Variants in ZFHX3 observed in about 807,000 individuals in gnomAD.
ZFHX3 encodes zinc finger homeobox protein 3.
Under a neutral mutation model 279.1 loss-of-function variants are expected in ZFHX3, and 42 were observed. That is an observed-to-expected ratio of 0.15 (90% CI 0.12 to 0.19). ZFHX3 has a LOEUF of 0.19. Ranked by LOEUF, ZFHX3 falls within the 10% of genes least tolerant of loss-of-function variation. ZFHX3 has a pLI of 1.00. For missense variants in ZFHX3, 4,981 were observed against 4,754.0 expected, an observed-to-expected ratio of 1.05 and a Z score of -1.40; for synonymous variants, 2,293 against 1,957.8, an observed-to-expected ratio of 1.17 and a Z score of -4.52.
rs2013202175 is a variant in ZFHX3 at position 73,243,903 on chromosome 16, C to G, written c.-1104+13144G>C. Among the ~76,000 whole-genome samples the G allele has an allele frequency of 2.0e-5, 3 of 152,182 alleles. No individual in the cohort carries two copies. In the South Asian group the frequency reaches 6.2e-4, roughly 32 times the overall value. ...TTCTAAGAAGCTGGAGAAGCTGTCACTGAAGTGACATCATGGAGGTTCAGA... is the reference window on the plus strand; with the variant it reads ...TTCTAAGAAGCTGGAGAAGCTGTCAGTGAAGTGACATCATGGAGGTTCAGA... On this transcript the variant is annotated intron_variant, in intron 5 of 17. Coordinates refer to the ZFHX3 transcript ENST00000641206.
intron 3 of ZFHX3, among the ~76,000 whole-genome samples, chr16:72,904,618 A>G (rs1288048587): frequency 6.6e-6 from 1 of 151,878 alleles, no homozygotes; most frequent in Non-Finnish European, 1.5e-5. Context: ...ACCAACTATG[A>G]TCTTTCTGGT....
intron 7 of ZFHX3, among the ~76,000 whole-genome samples, chr16:73,106,668 G>A (rs1371808482): frequency 2.6e-5 from 4 of 152,326 alleles, no homozygotes; most frequent in South Asian, 4.1e-4. Flanking sequence ...AAAGCTGGGG[G>A]CCAATTTGGC....
chr16:73,493,456 A>G (rs1462925475), intron 2 of ZFHX3, among the ~76,000 whole-genome samples: 1 of 152,198 alleles, frequency 6.6e-6, no homozygotes, highest in African/African-American at 2.4e-5. Context: ...CAGCATTCCT[A>G]TCCCCAAGCT....
intron 3 of ZFHX3, among the ~76,000 whole-genome samples, chr16:72,899,802 G>T (rs939006080): frequency 1.3e-5 from 2 of 152,110 alleles, no homozygotes; most frequent in Non-Finnish European, 2.9e-5. Context: ...TATAAAATGT[G>T]TCTGATACAC....
At position 73,449,490 on chromosome 16, in the gene ZFHX3, C is replaced by G. The variant is rs540795549; in HGVS notation, c.-1291+6513G>C. Among the ~76,000 whole-genome samples, 6 of 152,040 alleles carry G rather than the reference C, an allele frequency of 3.9e-5. 1 individual carries two copies. The East Asian group carries it at 1.2e-3, about 29-fold the overall frequency. On this transcript the variant is annotated intron_variant, in intron 3 of 17. Coordinates refer to the ZFHX3 transcript ENST00000641206. ...CAGCCTGGGCAACATAGCAAGACCC[C>G]ATCTCAAAAAATAACAACAACAACA... is the stretch of plus-strand genomic sequence containing the variant.
At chr16:73,356,575 C>T (rs2016344666) in intron 3 of ZFHX3, among the ~76,000 whole-genome samples, 2 of 151,980 alleles carry the variant, frequency 1.3e-5, no homozygotes, top group South Asian at 4.1e-4. Flanking sequence ...CAGTGGGAGT[C>T]CCAGCTCCGA....
chr16:73,689,081 T>C (rs1034922532), intron 1 of ZFHX3, among the ~76,000 whole-genome samples: 1 of 152,210 alleles, frequency 6.6e-6, no homozygotes, highest in Admixed American at 6.5e-5. Context: ...CAAAACTTAC[T>C]GGGTTTAATG....
chr16:72,974,265 T>C (rs1226957414), intron 1 of ZFHX3, among the ~76,000 whole-genome samples: 3 of 152,214 alleles, frequency 2.0e-5, no homozygotes, highest in Admixed American at 6.5e-5. Context: ...TTAGAGCACC[T>C]GGGAAACACC....
At chr16:73,317,837 A>G (rs1020062455) in intron 4 of ZFHX3, among the ~76,000 whole-genome samples, 6 of 152,240 alleles carry the variant, frequency 3.9e-5, no homozygotes, top group Non-Finnish European at 7.3e-5. Flanking sequence ...GGGATGGCAA[A>G]TAAATGGGCC....
chr16:73,692,920 T>C (rs1307939257), intron 1 of ZFHX3, among the ~76,000 whole-genome samples: 2 of 152,256 alleles, frequency 1.3e-5, no homozygotes, highest in Admixed American at 1.3e-4. Flanking sequence ...TTTTGAACTA[T>C]ACCATTTTAT....
chr16:73,658,231 A>T (rs2052742230), intron 2 of ZFHX3, among the ~76,000 whole-genome samples: 1 of 152,214 alleles, frequency 6.6e-6, no homozygotes, highest in African/African-American at 2.4e-5. Flanking sequence ...AAATTCATGG[A>T]AATTTTAAAA....
chr16:72,949,692 G>C, intron 3 of ZFHX3, among the ~76,000 whole-genome samples: 1 of 151,294 alleles, frequency 6.6e-6, no homozygotes, highest in Non-Finnish European at 1.5e-5. Flanking sequence ...GAGAAGCCCA[G>C]GAAGAAGAAG....
intron 7 of ZFHX3, among the ~76,000 whole-genome samples, chr16:73,116,075 A>C (rs1966429468): frequency 6.6e-6 from 1 of 151,758 alleles, no homozygotes; most frequent in Non-Finnish European, 1.5e-5. Flanking sequence ...AGCAGAGATC[A>C]TGCCAGTGTA....
chr16:73,151,271 T>A (rs142509892), intron 5 of ZFHX3, among the ~76,000 whole-genome samples: 1 of 152,172 alleles, frequency 6.6e-6, no homozygotes, highest in Non-Finnish European at 1.5e-5. Flanking sequence ...AAATAAAACG[T>A]ACAACACAAA....
intron 3 of ZFHX3, among the ~76,000 whole-genome samples, chr16:73,439,325 T>C (rs78998116): frequency 6.6e-6 from 1 of 152,098 alleles, no homozygotes. Flanking sequence ...AGTGGCTCTG[T>C]TTTTTCATGC....
intron 2 of ZFHX3, among the ~76,000 whole-genome samples, chr16:73,656,643 T>A (rs11646591): frequency 6.6e-6 from 1 of 152,030 alleles, no homozygotes. Flanking sequence ...GGTTGTATGC[T>A]AAATTTTTCA....
At chr16:73,475,493 G>A (rs2018750081) in intron 2 of ZFHX3, among the ~76,000 whole-genome samples, 1 of 152,044 alleles carries the variant, frequency 6.6e-6, no homozygotes, top group South Asian at 2.1e-4. Context: ...CCTAAAGGAT[G>A]TATATTTTAA....
intron 1 of ZFHX3, among the ~76,000 whole-genome samples, chr16:73,057,586 G>C (rs972951945): frequency 3.3e-5 from 5 of 151,384 alleles, no homozygotes; most frequent in Non-Finnish European, 7.4e-5. Flanking sequence ...AAGAAAAAAG[G>C]CATCCTCGGA....
chr16:73,273,025 G>A (rs912841403), intron 4 of ZFHX3, among the ~76,000 whole-genome samples: 3 of 152,126 alleles, frequency 2.0e-5, no homozygotes, highest in African/African-American at 4.8e-5. Flanking sequence ...GAGATAACAT[G>A]TGTGAGCCAC....
Sources: gnomAD v4.1 joint callset for allele counts (sites outside exome capture counted in the v4.1 genomes callset) on GRCh38, gnomAD v4.1.1 for gene constraint, MANE v1.5 for transcripts, NCBI Gene and HGNC (gene_info 2026-07-23, HGNC 2026-07-21) for gene names.